ALK: variants seen among roughly 807,000 people sequenced by gnomAD.
The protein encoded by ALK is ALK tyrosine kinase receptor.
ALK carries 74 observed loss-of-function variants against 163.1 expected under a neutral mutation model. That is an observed-to-expected ratio of 0.45 (90% confidence interval 0.38 to 0.55). ALK has a LOEUF of 0.55. Among genes scored for constraint, ALK ranks in the 20% least tolerant of loss-of-function variants. The pLI is 0.00. For synonymous variants in ALK, 960 were observed against 843.2 expected (o/e 1.14, Z -2.40); for missense variants, 2,063 against 2,105.3 (o/e 0.98, Z 0.39).
intron 19 of ALK, 98 bp downstream of exon 19, chr2:29,225,363 T>C (rs1318339190): frequency 8.8e-7 from 1 of 1,131,348 alleles, no homozygotes; most frequent in East Asian, 2.5e-5. Context: ...GGGACTAGCA[T>C]AACGAAGTGA....
intron 3 of ALK, among the ~76,000 whole-genome samples, chr2:29,634,193 G>A (rs997879643): frequency 1.3e-4 from 19 of 151,832 alleles, no homozygotes; most frequent in African/African-American, 4.4e-4. Context: ...CTGCCTCCCG[G>A]TTCAAGTGAT....
chr2:29,388,476 T>C (rs1312993446), intron 4 of ALK, among the ~76,000 whole-genome samples: 1 of 152,228 alleles, frequency 6.6e-6, no homozygotes, highest in Non-Finnish European at 1.5e-5. Context: ...AGGCAAGGCC[T>C]AGATTCAGCT....
chr2:29,298,527 G>A (rs1387382017), intron 8 of ALK, among the ~76,000 whole-genome samples: 1 of 152,164 alleles, frequency 6.6e-6, no homozygotes, highest in Non-Finnish European at 1.5e-5. Flanking sequence ...AGACTGTTGA[G>A]TCTCAATGCC....
At chr2:29,195,130 T>C (rs1668992576) in intron 28 of ALK, among the ~76,000 whole-genome samples, 2 of 152,216 alleles carry the variant, frequency 1.3e-5, no homozygotes, top group Admixed American at 1.3e-4. Context: ...TAGTAATTTC[T>C]ATAGTGAATC....
intron 26 of ALK, among the ~76,000 whole-genome samples, chr2:29,200,488 CAT>C (rs978153311): frequency 3.3e-5 from 5 of 151,954 alleles, no homozygotes; most frequent in African/African-American, 1.2e-4. Flanking sequence ...ATAAGCAACA[CAT>C]AGTTTTTTTA....
chr2:29,462,980 C>A (rs543508325), intron 4 of ALK, among the ~76,000 whole-genome samples: 1 of 152,166 alleles, frequency 6.6e-6, no homozygotes, highest in African/African-American at 2.4e-5. Context: ...AAATGATGAT[C>A]CAAATCCTAT....
chr2:29,582,126 T>C (rs1674715970), intron 3 of ALK, among the ~76,000 whole-genome samples: 1 of 152,198 alleles, frequency 6.6e-6, no homozygotes, highest in South Asian at 2.1e-4. Context: ...TTGCTCAGTC[T>C]TCATGAGAAG....
At position 29,243,932 on chromosome 2, in the gene ALK, C is replaced by T. The variant is rs151329385; in HGVS notation, c.2205-4102G>A. Reference sequence around the variant, plus strand: ...TTTTTTCCTCATCTAAATCCATGTCCCCTGGTCAGAAGAGATGTTTATTGG... The same window carrying T: ...TTTTTTCCTCATCTAAATCCATGTCTCCTGGTCAGAAGAGATGTTTATTGG... On this transcript the variant is annotated intron_variant, in intron 12 of 28. Transcript: ENST00000389048. Among the ~76,000 whole-genome samples, 35 of 152,282 alleles carry T rather than the reference C, an allele frequency of 2.3e-4. 2 individuals carry two copies. The East Asian group carries it at 6.6e-3, about 29-fold the overall frequency.
chr2:29,863,502 T>C (rs1666347507), intron 1 of ALK, among the ~76,000 whole-genome samples: 1 of 150,998 alleles, frequency 6.6e-6, no homozygotes, highest in South Asian at 2.2e-4. Flanking sequence ...AAATGGCCAA[T>C]AAGAATATTT....
chr2:29,470,680 G>A (rs955587359), intron 4 of ALK, among the ~76,000 whole-genome samples: 5 of 74,110 alleles, frequency 6.7e-5, no homozygotes, highest in African/African-American at 2.3e-4. Flanking sequence ...AGACAAAACA[G>A]CTGAATTTTT....
chr2:29,402,859 T>C (rs1669481046), intron 4 of ALK, among the ~76,000 whole-genome samples: 1 of 152,138 alleles, frequency 6.6e-6, no homozygotes, highest in Non-Finnish European at 1.5e-5. Flanking sequence ...TCACATGTGA[T>C]CACCACAAAT....
chr2:29,223,581 A>G lies in ALK; in HGVS notation c.3173-53T>C, dbSNP rs1401683802. 5 of 1,584,452 alleles carry G rather than the reference A, an allele frequency of 3.2e-6. No individual in the cohort carries two copies. In the African/African-American group the frequency reaches 6.7e-5, roughly 21 times the overall value. On this transcript the variant is annotated intron_variant, in intron 19 of 28. Coordinates refer to ENST00000389048, the MANE Select transcript of ALK (RefSeq NM_004304.5). Reference sequence around the variant, plus strand: ...GGCCTGGCAGCCTGGCCCTTGAAGCACTACACAGGCCACTTCCTACAGGAA... The same window carrying G: ...GGCCTGGCAGCCTGGCCCTTGAAGCGCTACACAGGCCACTTCCTACAGGAA...
At chr2:29,558,724 G>A (rs1373289300) in intron 3 of ALK, among the ~76,000 whole-genome samples, 3 of 152,102 alleles carry the variant, frequency 2.0e-5, no homozygotes, top group East Asian at 1.9e-4. Flanking sequence ...AACTTAGTGC[G>A]TTATTATGAC....
chr2:29,586,872 T>C (rs2148203244), intron 3 of ALK, among the ~76,000 whole-genome samples: 1 of 152,362 alleles, frequency 6.6e-6, no homozygotes, highest in South Asian at 2.1e-4. Context: ...TTAAGTCCTC[T>C]AGTCAGTTCC....
chr2:29,587,535 CTTCTCTTTTTAG>C (rs149804980), intron 3 of ALK, among the ~76,000 whole-genome samples: 8,960 of 152,200 alleles, frequency 0.059, 913 homozygotes, highest in African/African-American at 0.2. Flanking sequence ...CTAAAAAACC[CTTCTCTTTTTAG>C]TTCAAGTCAC....
At chr2:29,196,676 T>C (rs1669030338) in intron 28 of ALK, 94 bp downstream of exon 28, 2 of 920,158 alleles carry the variant, frequency 2.2e-6, no homozygotes, top group Non-Finnish European at 3.7e-6. Flanking sequence ...TCTTGTACTC[T>C]GACTGGCTTG....
chr2:29,739,613 G>C (rs1235661551), intron 1 of ALK, among the ~76,000 whole-genome samples: 1 of 151,946 alleles, frequency 6.6e-6, no homozygotes, highest in East Asian at 1.9e-4. Context: ...GATAAACTTG[G>C]ATCTGCATTT....
chr2:29,739,143 G>A (rs1403199390), intron 1 of ALK, among the ~76,000 whole-genome samples: 5 of 146,392 alleles, frequency 3.4e-5, no homozygotes, highest in Non-Finnish European at 7.4e-5. Context: ...GGAGCCTGAA[G>A]CAGGGAGATC....
At chr2:29,224,934 C>G (rs1301311784) in intron 19 of ALK, among the ~76,000 whole-genome samples, 2 of 152,244 alleles carry the variant, frequency 1.3e-5, no homozygotes, top group Non-Finnish European at 2.9e-5. Context: ...GCAGTAAGAG[C>G]TGGTTGGGAC....
Sources: gnomAD v4.1 joint callset for allele counts (sites outside exome capture counted in the v4.1 genomes callset) on GRCh38, gnomAD v4.1.1 for gene constraint, MANE v1.5 for transcripts, NCBI Gene and HGNC (gene_info 2026-07-23, HGNC 2026-07-21) for gene names.